The following L3HYPDH variants were observed in gnomAD, a reference collection of about 807,000 sequenced individuals.
L3HYPDH encodes trans-3-hydroxy-L-proline dehydratase.
In L3HYPDH, 32 loss-of-function variants were observed where a neutral mutation model predicts 26.5. That is an observed-to-expected ratio of 1.21 (90% CI 0.91 to 1.62). The LOEUF (loss-of-function observed/expected upper bound fraction) is 1.62, where lower values mean the gene tolerates loss of function less well. L3HYPDH is among the 40% of genes most tolerant of loss of function. The probability of loss-of-function intolerance (pLI) is 0.00; values close to 1 mark genes in which losing one functional copy is unlikely to be tolerated. For missense variants in L3HYPDH, 554 were observed against 476.4 expected (o/e 1.16, Z -1.52); for synonymous variants, 215 against 196.6 (o/e 1.09, Z -0.78).
chr14:59,501,280 T>G, the L3HYPDH span: 1 of 1,546,396 alleles, frequency 6.5e-7, no homozygotes, highest in East Asian at 2.3e-5. Flanking sequence ...AGGAAGTCTT[T>G]TTTTCCTTTG....
chr14:59,472,666 A>G lies in L3HYPDH; in HGVS notation c.*299T>C, dbSNP rs1889349749. On this transcript the variant is annotated 3_prime_UTR_variant, in exon 5 of 5. Transcript: ENST00000247194. ...TAATACAAAATATGATATTAATAGT[A>G]ATTACTATAGAGCAATATTTTAAAA... 1 of 218,952 alleles carries G rather than the reference A, an allele frequency of 4.6e-6. No homozygotes were observed. Among genetic ancestry groups the G allele is most frequent in the Admixed American group, 5.7e-5 (1 of 17,452 alleles). The allele number at this position is 218,952 out of a possible 1,614,324, so 13.6% of individuals were successfully genotyped here.
upstream of L3HYPDH, chr14:59,484,709 C>A: frequency 7.7e-7 from 1 of 1,292,754 alleles, no homozygotes; most frequent in Non-Finnish European, 1.1e-6. Flanking sequence ...CGCAGGCTCG[C>A]CCCTTGACCC....
upstream of L3HYPDH, among the ~76,000 whole-genome samples, chr14:59,488,691 T>G (rs1319357020): frequency 6.6e-6 from 1 of 152,232 alleles, no homozygotes; most frequent in Non-Finnish European, 1.5e-5. Context: ...AGTCAAATTC[T>G]GCCTTACTGA....
In L3HYPDH at chr14:59,483,961, C is replaced by A; in HGVS notation, c.356G>T (p.Gly119Val). Reference sequence around the variant, plus strand: ...GCCCGCAGGGGGCGCCGGCACAAGCCCGAAGTCCAAAGCGAAGCGGCCCAG... The same window carrying A: ...GCCCGCAGGGGGCGCCGGCACAAGCACGAAGTCCAAAGCGAAGCGGCCCAG... ...LALGRFALDF[G>V]LVPAPPAGTR... Residue 119 changes from glycine (G) to valine (V), a missense_variant, in exon 1 of 5, where the codon GGG (glycine) becomes GTG (valine). Transcript: ENST00000247194. 6.4e-7 allele frequency: 1 copy of A among 1,567,010 alleles called. No homozygotes were observed.
At chr14:59,499,784 A>G in the L3HYPDH span, among the ~76,000 whole-genome samples, 1 of 152,208 alleles carries the variant, frequency 6.6e-6, no homozygotes, top group African/African-American at 2.4e-5. Context: ...AAATTCTGTT[A>G]TCCGCCATAT....
At chr14:59,488,394 T>C (rs368615109), upstream of L3HYPDH, among the ~76,000 whole-genome samples, 19 of 152,240 alleles carry the variant, frequency 1.2e-4, 1 homozygote, top group Admixed American at 8.5e-4. Context: ...GGAAGAGTTA[T>C]AAACAAAGTA....
chr14:59,481,509 G>A (rs1231063917), intron 1 of L3HYPDH, among the ~76,000 whole-genome samples: 1 of 152,120 alleles, frequency 6.6e-6, no homozygotes, highest in Non-Finnish European at 1.5e-5. Flanking sequence ...CCTCTATCCA[G>A]AACACAATCC....
the L3HYPDH span, among the ~76,000 whole-genome samples, chr14:59,493,863 A>G: frequency 1.3e-5 from 2 of 152,228 alleles, no homozygotes; most frequent in African/African-American, 2.4e-5. Context: ...AATGGACTCA[A>G]GAAACAGAAT....
At chr14:59,504,541 T>C in the L3HYPDH span, 5 of 154,280 alleles carry the variant, frequency 3.2e-5, no homozygotes, top group Admixed American at 1.3e-4. Flanking sequence ...AGAAATGATG[T>C]ATATTGTTTT....
chr14:59,499,327 G>T, the L3HYPDH span, among the ~76,000 whole-genome samples: 1 of 151,982 alleles, frequency 6.6e-6, no homozygotes, highest in Non-Finnish European at 1.5e-5. Context: ...AAAAATCTAA[G>T]TATGTAATAA....
At chr14:59,466,694 C>A (rs1030622412) in intron 1 of L3HYPDH, among the ~76,000 whole-genome samples, 27 of 152,234 alleles carry the variant, frequency 1.8e-4, no homozygotes, top group African/African-American at 6.5e-4. Context: ...GAAAAAATAT[C>A]CTACAGGAAA....
chr14:59,476,909 T>C (rs1292082088), intron 2 of L3HYPDH, among the ~76,000 whole-genome samples: 1 of 152,242 alleles, frequency 6.6e-6, no homozygotes, highest in Non-Finnish European at 1.5e-5. Flanking sequence ...TCTAGTTCTT[T>C]AACTTTTCCT....
At chr14:59,498,969 C>T in the L3HYPDH span, 41 of 637,476 alleles carry the variant, frequency 6.4e-5, no homozygotes, top group South Asian at 2.7e-4. Context: ...AATATTTCCT[C>T]TAGATTTAAT....
intron 4 of L3HYPDH, chr14:59,475,126 A>G (rs1240949985): frequency 6.6e-6 from 1 of 152,154 alleles, no homozygotes; most frequent in East Asian, 1.9e-4. Flanking sequence ...TTCCATTACA[A>G]AAATTTGATG....
the L3HYPDH span, chr14:59,505,235 T>G: frequency 1.4e-6 from 2 of 1,449,340 alleles, no homozygotes; most frequent in Non-Finnish European, 1.9e-6. Context: ...GTTGTATCCT[T>G]GAGTTACTTT....
chr14:59,480,297 G>C (rs968477904), intron 1 of L3HYPDH, among the ~76,000 whole-genome samples: 1 of 152,202 alleles, frequency 6.6e-6, no homozygotes, highest in African/African-American at 2.4e-5. Context: ...CAGAGAGGAC[G>C]TGTGTTAACT....
upstream of L3HYPDH, among the ~76,000 whole-genome samples, chr14:59,485,300 T>G (rs2139848605): frequency 6.6e-6 from 1 of 152,374 alleles, no homozygotes; most frequent in South Asian, 2.1e-4. Context: ...ATATTCATTT[T>G]CATGTATTAA....
At chr14:59,488,482 C>T (rs1323069170), upstream of L3HYPDH, among the ~76,000 whole-genome samples, 1 of 151,888 alleles carries the variant, frequency 6.6e-6, no homozygotes, top group Non-Finnish European at 1.5e-5. Flanking sequence ...ACATTTTAGG[C>T]AGAAGAAACA....
Position 59,473,025 on chromosome 14 carries a change from A to G in L3HYPDH, c.1005T>C (p.Gly335=). 6.2e-7 allele frequency: 1 copy of G among 1,609,328 alleles called. No individual in the cohort carries two copies. The highest frequency in any genetic ancestry group is 8.5e-7 in the Non-Finnish European group (1 of 1,178,108). ...VEVSGQAHYT[G]TASFIIEDDD... ...CATCTTCTATTATAAAGCTTGCTGT[A>G]CCCGTGTAATGGGCTTGTCCTGATA... The change falls in exon 5 of 5, where the codon GGT becomes GGC. Residue 335 remains glycine (G), a synonymous_variant. Coordinates refer to ENST00000247194, the MANE Select transcript of L3HYPDH (RefSeq NM_144581.2).
Sources: gnomAD v4.1 joint callset for allele counts (sites outside exome capture counted in the v4.1 genomes callset) on GRCh38, gnomAD v4.1.1 for gene constraint, MANE v1.5 for transcripts, NCBI Gene and HGNC (gene_info 2026-07-23, HGNC 2026-07-21) for gene names.